The following COL4A1 variants were observed in gnomAD, a reference collection of about 807,000 sequenced individuals.
The protein encoded by COL4A1 is collagen type IV alpha 1 chain.
COL4A1 carries 40 observed loss-of-function variants against 216.6 expected under a neutral mutation model. The observed-to-expected ratio is 0.18, with a 90% CI of 0.14 to 0.24. The LOEUF is 0.24. Among genes scored for constraint, COL4A1 ranks in the 10% least tolerant of loss-of-function variants. The probability of loss-of-function intolerance (pLI) is 1.00; values close to 1 mark genes in which losing one functional copy is unlikely to be tolerated. For missense variants in COL4A1, 1,628 were observed against 2,196.8 expected (o/e 0.74, Z 5.18); for synonymous variants, 839 against 810.7 (o/e 1.03, Z -0.59).
rs749734245 is a variant in COL4A1, at chr13:110,192,285, CT to C, written c.1466-2del. 2 of 1,614,148 alleles carry C rather than the reference CT, an allele frequency of 1.2e-6. No homozygotes were observed. The highest frequency in any genetic ancestry group is 4.5e-5 in the East Asian group (2 of 44,882). On this transcript the variant is annotated splice_acceptor_variant, in intron 23 of 51. Coordinates refer to ENST00000375820, the MANE Select transcript of COL4A1 (RefSeq NM_001845.6). LOFTEE classifies it high-confidence loss of function. ...TTGGCCCCTGGCTGCCCTGGGAAAC[CT>C]TTCGTGAGAGAGAGGGAAAAAGACA...
chr13:110,155,359 A>G lies in COL4A1; in HGVS notation c.4679T>C (p.Val1560Ala), dbSNP rs555466778. Reference sequence around the variant, plus strand: ...TGGGATCTGAATGGTCTGGCTGTGCACGGCCATCACCATGGCAGGCGCCTC... The same window carrying G: ...TGGGATCTGAATGGTCTGGCTGTGCGCGGCCATCACCATGGCAGGCGCCTC... Reference protein sequence around the residue: ...VCEAPAMVMAVHSQTIQIPPC... With the variant: ...VCEAPAMVMAAHSQTIQIPPC... Residue 1560 changes from valine to alanine, a missense_variant, in exon 50 of 52, where the codon GTG becomes GCG. This residue lies in a region of COL4A1 where 254 missense variants were observed against 300.1 expected (regional missense o/e 0.85). Coordinates refer to ENST00000375820, the MANE Select transcript of COL4A1 (RefSeq NM_001845.6). 1.2e-6 allele frequency: 2 copies of G among 1,614,192 alleles called. No individual in the cohort carries two copies. The highest frequency in any genetic ancestry group is 4.5e-5 in the East Asian group (2 of 44,872).
At chr13:110,206,088 C>A (rs1879502055) in intron 15 of COL4A1, among the ~76,000 whole-genome samples, 2 of 152,206 alleles carry the variant, frequency 1.3e-5, no homozygotes, top group South Asian at 4.1e-4. Context: ...CGATGAGCTA[C>A]AAGTCTTCTA....
At chr13:110,156,540 A>G (rs758525701) in intron 49 of COL4A1, among the ~76,000 whole-genome samples, 2 of 152,194 alleles carry the variant, frequency 1.3e-5, no homozygotes, top group Admixed American at 1.3e-4. Flanking sequence ...GACCCTCCCA[A>G]GGACAGGATG....
chr13:110,177,857 A>G lies in COL4A1; in HGVS notation c.2701T>C (p.Leu901=). 6.2e-7 allele frequency: 1 copy of G among 1,614,128 alleles called. No homozygotes were observed. The highest frequency in any genetic ancestry group is 8.5e-7 in the Non-Finnish European group (1 of 1,180,020). ...GSPGPVGAPG[L]PGEKGDHGFP... is the part of the protein sequence containing the mutation. ...GCTCCCCTACCTTTTTCACCCGGTAATCCAGGAGCACCCACTGGTCCTGGT... is the reference window on the plus strand; with the variant it reads ...GCTCCCCTACCTTTTTCACCCGGTAGTCCAGGAGCACCCACTGGTCCTGGT... The change falls in exon 33 of 52, where the codon TTA becomes CTA. Residue 901 remains leucine, a synonymous_variant. Transcript: ENST00000375820.
At chr13:110,254,097 CAGA>C (rs1179555997) in intron 1 of COL4A1, among the ~76,000 whole-genome samples, 6 of 152,156 alleles carry the variant, frequency 3.9e-5, no homozygotes. Context: ...ACTCAGCCTT[CAGA>C]AGAACTCCCA....
At chr13:110,174,354 TCC>T (rs2139159948) in intron 39 of COL4A1, 90 bp downstream of exon 39, 1 of 1,402,500 alleles carries the variant, frequency 7.1e-7, no homozygotes, top group Non-Finnish European at 1.0e-6. Context: ...GCCTCCCTGC[TCC>T]CCGTCTGTGA....
At chr13:110,290,521 C>G (rs1225595931) in intron 1 of COL4A1, among the ~76,000 whole-genome samples, 2 of 152,086 alleles carry the variant, frequency 1.3e-5, no homozygotes, top group Admixed American at 6.6e-5. Flanking sequence ...CCGGCTTCCT[C>G]GATCCTTCCT....
At chr13:110,240,218 T>TA (rs140224913) in intron 2 of COL4A1, among the ~76,000 whole-genome samples, 14,653 of 150,828 alleles carry the variant, frequency 0.097, 1,465 homozygotes, top group African/African-American at 0.25. Flanking sequence ...TAAAAAAAAT[T>TA]AAAAAAAAAC....
intron 2 of COL4A1, among the ~76,000 whole-genome samples, chr13:110,228,317 A>G (rs1011635964): frequency 6.6e-6 from 1 of 152,136 alleles, no homozygotes. Flanking sequence ...CACTGGGTGA[A>G]GCAGATTCCT....
At chr13:110,197,841 C>T (rs765935688) in intron 21 of COL4A1, among the ~76,000 whole-genome samples, 4 of 152,150 alleles carry the variant, frequency 2.6e-5, no homozygotes, top group Non-Finnish European at 5.9e-5. Context: ...GGTTTTGATC[C>T]AGCAGGTTCC....
At chr13:110,262,678 A>G (rs1041974531) in intron 1 of COL4A1, among the ~76,000 whole-genome samples, 1 of 152,140 alleles carries the variant, frequency 6.6e-6, no homozygotes. Flanking sequence ...ATACAATGGG[A>G]AGGAAAGTGA....
intron 20 of COL4A1, 86 bp from the exon 21 acceptor site, chr13:110,198,717 G>T: frequency 6.4e-7 from 1 of 1,565,304 alleles, no homozygotes; most frequent in Non-Finnish European, 8.8e-7. Flanking sequence ...TCTGTTCAAG[G>T]TAAAAATCCA....
intron 1 of COL4A1, among the ~76,000 whole-genome samples, chr13:110,254,023 C>G (rs751678035): frequency 2.0e-4 from 30 of 151,956 alleles, no homozygotes; most frequent in South Asian, 4.2e-4. Context: ...ACTTTTTGAG[C>G]GCCAACATGA....
chr13:110,210,991 C>T (rs1879768144), intron 8 of COL4A1, among the ~76,000 whole-genome samples: 1 of 152,198 alleles, frequency 6.6e-6, no homozygotes, highest in South Asian at 2.1e-4. Context: ...TCTGGCCACA[C>T]ACACACATGC....
At chr13:110,255,441 G>A (rs78307164) in intron 1 of COL4A1, among the ~76,000 whole-genome samples, 13,347 of 145,146 alleles carry the variant, frequency 0.092, 854 homozygotes, top group East Asian at 0.18. Context: ...AGGGAGGGAG[G>A]CAGGTCATGG....
chr13:110,157,487 C>T (rs185464743), intron 49 of COL4A1, among the ~76,000 whole-genome samples: 3 of 152,334 alleles, frequency 2.0e-5, no homozygotes, highest in Admixed American at 6.5e-5. Flanking sequence ...AGTTCAGTAA[C>T]CGTGGAAACC....
chr13:110,169,453 CAAGA>C lies in COL4A1; in HGVS notation c.3876+172_3876+175del, dbSNP rs3832902. Among the ~76,000 whole-genome samples, 75,212 of 149,776 alleles carry C rather than the reference CAAGA, an allele frequency of 0.5. 18,972 individuals are homozygous for C. The highest frequency in any genetic ancestry group is 0.52 in the Non-Finnish European group (35,264 of 67,490). On this transcript the variant is annotated intron_variant, in intron 43 of 51. Coordinates refer to ENST00000375820, the MANE Select transcript of COL4A1 (RefSeq NM_001845.6). ...TGCCAATAAAGATGTGGGTTACTGG[CAAGA>C]AAGAAAGAAAGAACTGATTTAGTGG...
At chr13:110,273,815 T>C (rs927571937) in intron 1 of COL4A1, among the ~76,000 whole-genome samples, 1 of 152,094 alleles carries the variant, frequency 6.6e-6, no homozygotes, top group Non-Finnish European at 1.5e-5. Context: ...ATCAGTCAAG[T>C]GAGGCTGAAA....
chr13:110,163,684 A>C, intron 46 of COL4A1, 123 bp from the exon 47 acceptor site: 1 of 959,528 alleles, frequency 1.0e-6, no homozygotes, highest in Non-Finnish European at 1.6e-6. Flanking sequence ...GCAGATGAGA[A>C]CGTTTTCTCG....
Sources: gnomAD v4.1 joint callset for allele counts (sites outside exome capture counted in the v4.1 genomes callset) on GRCh38, gnomAD v4.1.1 for gene constraint, gnomAD v4.1.1 regional missense constraint, MANE v1.5 for transcripts, NCBI Gene and HGNC (gene_info 2026-07-23, HGNC 2026-07-21) for gene names.